Variants in PCSK9 observed in about 807,000 individuals in gnomAD.
PCSK9 encodes convertase subtilisin/kexin type 9 preproprotein.
PCSK9 carries 57 observed loss-of-function variants against 62.1 expected under a neutral mutation model. The ratio of observed to expected loss-of-function variants is 0.92; its 90% CI spans 0.74 to 1.14. The LOEUF (loss-of-function observed/expected upper bound fraction) is 1.14. Among genes scored for constraint, PCSK9 ranks in the 50% most tolerant of loss-of-function variants. PCSK9 has a pLI of 0.00. For missense variants in PCSK9, 870 were observed against 959.8 expected, an observed-to-expected ratio of 0.91 and a Z score of 1.24; for synonymous variants, 387 against 409.4, an observed-to-expected ratio of 0.95 and a Z score of 0.66.
intron 3 of PCSK9, among the ~76,000 whole-genome samples, chr1:55,047,937 G>C (rs756223842): frequency 2.3e-4 from 35 of 152,294 alleles, no homozygotes; most frequent in South Asian, 2.1e-4. Context: ...TCCCGGAGCA[G>C]GCTAATATCA....
At chr1:55,058,729 C>T in intron 9 of PCSK9, 82 bp downstream of exon 9, 1 of 1,542,716 alleles carries the variant, frequency 6.5e-7, no homozygotes, top group East Asian at 2.4e-5. Context: ...CAGTGCTGGG[C>T]CCTCAGGGAC....
At chr1:55,053,759 G>C (rs1644693198) in intron 5 of PCSK9, among the ~76,000 whole-genome samples, 1 of 152,212 alleles carries the variant, frequency 6.6e-6, no homozygotes, top group African/African-American at 2.4e-5. Context: ...TGCCCCATCA[G>C]GTGACCCCTT....
At chr1:55,052,165 T>C in intron 3 of PCSK9, 113 bp from the exon 4 acceptor site, 1 of 1,428,620 alleles carries the variant, frequency 7.0e-7, no homozygotes, top group South Asian at 1.2e-5. Context: ...CGAGTGAATA[T>C]ATTTAAGGCG....
chr1:55,039,561 C>G lies in PCSK9; in HGVS notation c.-277C>G, dbSNP rs1027357337. On this transcript the variant is annotated 5_prime_UTR_variant, in exon 1 of 12. Transcript: ENST00000302118. ...GAAGGTTTCCGCAGCGACGTCGAGG[C>G]GCTCATGGTTGCAGGCGGGCGCCGC... 4 of 560,384 alleles carry G rather than the reference C, an allele frequency of 7.1e-6. No homozygotes were observed. In the African/African-American group the frequency reaches 7.6e-5, roughly 11 times the overall value. The allele number at this position is 560,384 out of a possible 1,614,324, so 34.7% of individuals were successfully genotyped here.
rs1366819516 is a variant in PCSK9 at position 55,058,075 on chromosome 1, C to T, written c.1220C>T (p.Thr407Ile). The change falls in exon 8 of 12, where the codon ACC becomes ATC. Residue 407 changes from threonine (T) to isoleucine (I), a missense_variant. Transcript: ENST00000302118. Reference sequence around the variant, plus strand: ...ATGCTGTCTGCCGAGCCGGAGCTCACCCTGGCCGAGTTGAGGCAGAGACTG... The same window carrying T: ...ATGCTGTCTGCCGAGCCGGAGCTCATCCTGGCCGAGTTGAGGCAGAGACTG... ...AMMLSAEPELTLAELRQRLIH... is the reference protein window; with the variant it reads ...AMMLSAEPELILAELRQRLIH... The T allele has an allele frequency of 1.2e-6, 2 of 1,613,678 alleles. No homozygotes were observed. Among genetic ancestry groups the T allele is most frequent in the African/African-American group, 2.7e-5 (2 of 74,938 alleles).
intron 4 of PCSK9, 83 bp downstream of exon 4, chr1:55,052,494 T>C (rs1343314373): frequency 1.1e-5 from 17 of 1,604,322 alleles, no homozygotes; most frequent in Non-Finnish European, 1.3e-5. Flanking sequence ...CCCCAGAGCG[T>C]TGCAGCTGTA....
Position 55,039,802 on chromosome 1 carries a change from C to G in PCSK9, c.-36C>G. On this transcript the variant is annotated 5_prime_UTR_variant, in exon 1 of 12. Transcript: ENST00000302118. ...CGTGGACCGCGCACGGCCTCTAGGT[C>G]TCCTCGCCAGGACAGCAACCTCTCC... 6.4e-7 allele frequency: 1 copy of G among 1,568,598 alleles called. No individual in the cohort carries two copies. The highest frequency in any genetic ancestry group is 8.6e-7 in the Non-Finnish European group (1 of 1,157,690).
intron 3 of PCSK9, among the ~76,000 whole-genome samples, chr1:55,049,221 G>A (rs1222425387): frequency 6.6e-6 from 1 of 152,250 alleles, no homozygotes; most frequent in East Asian, 1.9e-4. Context: ...TGTCCAAGCA[G>A]TGGAATGAAC....
intron 2 of PCSK9, 118 bp downstream of exon 2, chr1:55,044,152 T>A (rs984053512): frequency 1.5e-5 from 18 of 1,212,514 alleles, no homozygotes; most frequent in Non-Finnish European, 2.0e-5. Flanking sequence ...CAAGTATGTA[T>A]TGAGCACTTA....
chr1:55,043,901 C>T lies in PCSK9; in HGVS notation c.266C>T (p.Ser89Leu), dbSNP rs771978846. The T allele has an allele frequency of 7.4e-6, 12 of 1,614,082 alleles. No homozygotes were observed. Among genetic ancestry groups the T allele is most frequent in the Middle Eastern group, 1.6e-4 (1 of 6,082 alleles). ...GTGCTGAAGGAGGAGACCCACCTCT[C>T]GCAGTCAGAGCGCACTGCCCGCCGC... ...VVVLKEETHLSQSERTARRLQ... is the reference protein window; with the variant it reads ...VVVLKEETHLLQSERTARRLQ... The change falls in exon 2 of 12, where the codon TCG (serine) becomes TTG (leucine). Residue 89 changes from serine (S) to leucine (L), a missense_variant. Ser to Leu is a moderately radical substitution (Grantham distance 145, BLOSUM62 -2). Coordinates refer to ENST00000302118, the MANE Select transcript of PCSK9 (RefSeq NM_174936.4).
In PCSK9 at chr1:55,059,571, C is replaced by G; in HGVS notation, c.1589C>G (p.Pro530Arg). ...VYAIARCCLL[P>R]QANCSVHTAP... ...GCCATTGCCAGGTGCTGCCTGCTAC[C>G]CCAGGCCAACTGCAGCGTCCACACA... is the stretch of plus-strand genomic sequence containing the variant. The change falls in exon 10 of 12, where the codon CCC (proline) becomes CGC (arginine). Residue 530 changes from proline to arginine, a missense_variant. Pro to Arg is a moderately radical substitution (Grantham distance 103, BLOSUM62 -2). Transcript: ENST00000302118. The G allele has an allele frequency of 6.4e-7, 1 of 1,555,400 alleles. No homozygotes were observed. The highest frequency in any genetic ancestry group is 8.7e-7 in the Non-Finnish European group (1 of 1,148,640).
chr1:55,060,337 A>G (rs1447618230), intron 10 of PCSK9, among the ~76,000 whole-genome samples: 1 of 152,156 alleles, frequency 6.6e-6, no homozygotes, highest in Non-Finnish European at 1.5e-5. Flanking sequence ...GTGGAGCATG[A>G]GAGGTCTGGG....
At chr1:55,059,464 C>T (rs927029686) in intron 9 of PCSK9, 22 bp from the exon 10 acceptor site, 1 of 1,554,938 alleles carries the variant, frequency 6.4e-7, no homozygotes, top group African/African-American at 1.4e-5. Context: ...AGCAGATTCC[C>T]ATTTCCGTCT....
In PCSK9 at chr1:55,043,838, G is replaced by T. The variant is rs758165193; in HGVS notation, c.208-5G>T. On this transcript the variant is annotated splice_polypyrimidine_tract_variant and splice_region_variant and intron_variant, in intron 1 of 11. Coordinates refer to ENST00000302118, the MANE Select transcript of PCSK9 (RefSeq NM_174936.4). ...GTCATCATGTTCCTCCTTGCATGGG[G>T]CCAGGATCCGTGGAGGTTGCCTGGC... 1 of 1,613,914 alleles carries T rather than the reference G, an allele frequency of 6.2e-7. No homozygotes were observed.
In PCSK9 at chr1:55,052,793, T is replaced by C; in HGVS notation, c.799+2T>C. The C allele has an allele frequency of 6.2e-7, 1 of 1,612,976 alleles. No homozygotes were observed. Among genetic ancestry groups the C allele is most frequent in the Non-Finnish European group, 8.5e-7 (1 of 1,179,950 alleles). On this transcript the variant is annotated splice_donor_variant, in intron 5 of 11. Transcript: ENST00000302118. LOFTEE classifies it high-confidence loss of function. ...GCACGGTTAGCGGCACCCTCATAGG[T>C]AAGTGATGGCCCCAGACGCTGGTCT... is the stretch of plus-strand genomic sequence containing the variant.
chr1:55,043,942 G>A lies in PCSK9; in HGVS notation c.307G>A (p.Ala103Thr), dbSNP rs1206960308. The change falls in exon 2 of 12, where the codon GCC becomes ACC. Residue 103 changes from alanine (A) to threonine (T), a missense_variant. By Grantham distance (58) the Ala-to-Thr change is moderately conservative. Coordinates refer to ENST00000302118, the MANE Select transcript of PCSK9 (RefSeq NM_174936.4). ...RTARRLQAQAARRGYLTKILH... is the reference protein window; with the variant it reads ...RTARRLQAQATRRGYLTKILH... Reference sequence around the variant, plus strand: ...TGCCCGCCGCCTGCAGGCCCAGGCTGCCCGCCGGGGATACCTCACCAAGAT... The same window carrying A: ...TGCCCGCCGCCTGCAGGCCCAGGCTACCCGCCGGGGATACCTCACCAAGAT... 6.2e-7 allele frequency: 1 copy of A among 1,614,204 alleles called. No individual in the cohort carries two copies. Among genetic ancestry groups the A allele is most frequent in the Non-Finnish European group, 8.5e-7 (1 of 1,180,038 alleles).
intron 5 of PCSK9, among the ~76,000 whole-genome samples, chr1:55,054,936 C>T (rs530374205): frequency 1.1e-3 from 163 of 151,228 alleles, no homozygotes; most frequent in African/African-American, 3.7e-3. Context: ...ACCCGGGAGG[C>T]GGAGCTTGCA....
intron 10 of PCSK9, among the ~76,000 whole-genome samples, 155 bp downstream of exon 10, chr1:55,059,818 C>T (rs1486592868): frequency 6.6e-6 from 1 of 152,236 alleles, no homozygotes. Flanking sequence ...GCCCTTTGAG[C>T]CTGGGCAGGT....
intron 9 of PCSK9, among the ~76,000 whole-genome samples, chr1:55,058,906 C>T (rs1432056826): frequency 1.3e-5 from 2 of 152,170 alleles, no homozygotes; most frequent in African/African-American, 4.8e-5. Context: ...GATGGATTTT[C>T]AATGCTCACC....
Sources: gnomAD v4.1 joint callset for allele counts (sites outside exome capture counted in the v4.1 genomes callset) on GRCh38, gnomAD v4.1.1 for gene constraint, MANE v1.5 for transcripts, NCBI Gene and HGNC (gene_info 2026-07-23, HGNC 2026-07-21) for gene names.